Variants in ZNF275 observed in about 807,000 individuals in gnomAD.
ZNF275 encodes zinc finger protein 275.
Under a neutral mutation model 4.3 loss-of-function variants are expected in ZNF275, and 4 were observed. The observed-to-expected ratio is 0.93, with a 90% CI of 0.46 to 2.13. The LOEUF (loss-of-function observed/expected upper bound fraction) is 2.13. Ranked by LOEUF, ZNF275 falls within the 30% of genes most tolerant of loss-of-function variation. The probability of loss-of-function intolerance (pLI) is 0.02; values close to 1 mark genes in which losing one functional copy is unlikely to be tolerated. For synonymous variants in ZNF275, 173 were observed against 166.9 expected, an observed-to-expected ratio of 1.04 and a Z score of -0.28; for missense variants, 352 against 397.1, an observed-to-expected ratio of 0.89 and a Z score of 0.97.
In ZNF275 at chrX:153,351,027, C is replaced by CAGA. The variant is rs2088553188; in HGVS notation, c.*3054_*3056dup. The CAGA allele has an allele frequency of 8.1e-6, 1 of 123,217 alleles. No individual in the cohort carries two copies. Among genetic ancestry groups the CAGA allele is most frequent in the Non-Finnish European group, 1.9e-5 (1 of 53,222 alleles). 10.2% of individuals were successfully genotyped at this position (123,217 alleles called of 1,213,427 possible). The stretch of plus-strand genomic sequence containing the variant: ...GATCCCATTGAATGCAGCATTAACT[C>CAGA]AGAACGTAGCATAAAGTCGTCACTG... On this transcript the variant is annotated 3_prime_UTR_variant, in exon 4 of 4. Transcript: ENST00000650114.
chrX:153,347,917 G>A lies in ZNF275; in HGVS notation c.1232G>A (p.Gly411Asp). Residue 411 changes from glycine (G) to aspartate (D), a missense_variant, in exon 4 of 4, where the codon GGC becomes GAC. Gly to Asp is a moderately conservative substitution (Grantham distance 94). Transcript: ENST00000650114. ...GARRCECSQC[G>D]RVFKRRSALQ... The stretch of plus-strand genomic sequence containing the variant: ...CGGCGCTGCGAATGCAGCCAGTGTG[G>A]CCGCGTGTTCAAGAGGCGCTCGGCA... 1 of 1,170,706 alleles carries A rather than the reference G, an allele frequency of 8.5e-7. No individual in the cohort carries two copies.
At chrX:153,342,537 A>G (rs1220329882) in intron 2 of ZNF275, among the ~76,000 whole-genome samples, 1 of 111,894 alleles carries the variant, frequency 8.9e-6, no homozygotes, top group Non-Finnish European at 1.9e-5. Flanking sequence ...GTGGATCAGT[A>G]TGATCCCTTT....
chrX:153,338,315 T>A, intron 2 of ZNF275, among the ~76,000 whole-genome samples: 1 of 111,087 alleles, frequency 9.0e-6, no homozygotes, highest in Non-Finnish European at 1.9e-5. Context: ...TTATGCAGAG[T>A]TTCGTTTCCT....
At chrX:153,343,666 G>A (rs1569527960) in intron 2 of ZNF275, among the ~76,000 whole-genome samples, 1 of 111,586 alleles carries the variant, frequency 9.0e-6, no homozygotes, top group African/African-American at 3.3e-5. Context: ...TGGTCTAGAA[G>A]CCCCCATTCC....
At position 153,336,606 on chromosome X, in the gene ZNF275, G is replaced by A. The variant is rs144204025; in HGVS notation, c.-46-28G>A. 1,432 of 1,085,403 alleles carry A rather than the reference G, an allele frequency of 1.3e-3. 8 individuals carry two copies. In the African/African-American group the frequency reaches 0.022, roughly 17 times the overall value. 89.4% of individuals were successfully genotyped at this position (1,085,403 alleles called of 1,213,427 possible). Reference sequence around the variant, plus strand: ...GGGAGGTGCACACAGGTCTGCTTCTGTTCACCTGAATTATTGCAATCCAAC... The same window carrying A: ...GGGAGGTGCACACAGGTCTGCTTCTATTCACCTGAATTATTGCAATCCAAC... On this transcript the variant is annotated intron_variant, in intron 1 of 3. Transcript: ENST00000650114.
Position 153,345,590 on chromosome X carries a change from A to T in ZNF275, c.102A>T (p.Pro34=), listed in dbSNP as rs782123691. ...GACAAGTGCTACTGGTGTCAGACCCATCGCCCAACACTGATCCTGCTAAGT... is the reference window on the plus strand; with the variant it reads ...GACAAGTGCTACTGGTGTCAGACCCTTCGCCCAACACTGATCCTGCTAAGT... The part of the protein sequence containing the change: ...AQGQVLLVSD[P]SPNTDPAKYS... Residue 34 remains proline, a synonymous_variant, in exon 3 of 4, where the codon CCA becomes CCT. Transcript: ENST00000650114. 8.3e-7 allele frequency: 1 copy of T among 1,209,016 alleles called. No individual in the cohort carries two copies. Among genetic ancestry groups the T allele is most frequent in the South Asian group, 1.8e-5 (1 of 56,878 alleles).
chrX:153,345,735 GGTCCC>G, intron 3 of ZNF275, 114 bp downstream of exon 3: 1 of 145,393 alleles, frequency 6.9e-6, no homozygotes. Context: ...TAGGGTTGGG[GGTCCC>G]AGCTGAGCTC....
Position 153,349,243 on chromosome X carries a change from A to C in ZNF275, c.*1268A>C, listed in dbSNP as rs2088541425. 8.1e-6 allele frequency: 1 copy of C among 123,638 alleles called. No homozygotes were observed. The highest frequency in any genetic ancestry group is 1.9e-5 in the Non-Finnish European group (1 of 53,277). The allele number at this position is 123,638 out of a possible 1,213,427, so 10.2% of individuals were successfully genotyped here. A position where few individuals can be genotyped will look rare whatever the true frequency, so the allele number is the denominator to read the frequency against. ...ACTGCCATCGTGGCTGCAGAGTGCC[A>C]GGACCACCGGCCTGGTATGGAGGTA... On this transcript the variant is annotated 3_prime_UTR_variant, in exon 4 of 4. Transcript: ENST00000650114.
At chrX:153,341,411 A>T (rs1556961034) in intron 2 of ZNF275, among the ~76,000 whole-genome samples, 1 of 112,543 alleles carries the variant, frequency 8.9e-6, no homozygotes, top group African/African-American at 3.2e-5. Flanking sequence ...TTTACTTCTG[A>T]TGTTATAAAC....
Position 153,347,802 on chromosome X carries a change from G to A in ZNF275, c.1117G>A (p.Gly373Arg), listed in dbSNP as rs781825600. The A allele has an allele frequency of 1.1e-5, 13 of 1,209,174 alleles. No individual in the cohort carries two copies. In the African/African-American group the frequency reaches 1.2e-4, roughly 11 times the overall value. ...CATCAAGCACCGGCGCATCCACAGC[G>A]GACTGAAACCCTATGAGTGCGACAA... ...DLIKHRRIHS[G>R]LKPYECDKCG... Residue 373 changes from glycine (G) to arginine (R), a missense_variant, in exon 4 of 4, where the codon GGA becomes AGA. By Grantham distance (125) the Gly-to-Arg change is moderately radical. Coordinates refer to ENST00000650114, the MANE Select transcript of ZNF275 (RefSeq NM_001367757.1).
chrX:153,335,779 C>T (rs1556960544), intron 1 of ZNF275, among the ~76,000 whole-genome samples: 6 of 110,278 alleles, frequency 5.4e-5, no homozygotes, highest in Non-Finnish European at 1.9e-5. Flanking sequence ...TGCAGCTCTG[C>T]ATCATAATCT....
At position 153,351,698 on chromosome X, in the gene ZNF275, A is replaced by G. The variant is rs782059830; in HGVS notation, c.*3723A>G. On this transcript the variant is annotated 3_prime_UTR_variant, in exon 4 of 4. Coordinates refer to ENST00000650114, the MANE Select transcript of ZNF275 (RefSeq NM_001367757.1). ...TTTCAAAAGAAAGTAATTGATTACC[A>G]TTTTTGCTGCTTATTACGATGAGCT... 2 of 112,106 alleles carry G rather than the reference A, an allele frequency of 1.8e-5. No individual in the cohort carries two copies. Among genetic ancestry groups the G allele is most frequent in the East Asian group, 5.6e-4 (2 of 3,587 alleles). The allele number at this position is 112,106 out of a possible 1,213,427, so 9.2% of individuals were successfully genotyped here. A position where few individuals can be genotyped will look rare whatever the true frequency, so the allele number is the denominator to read the frequency against.
Position 153,350,179 on chromosome X carries a change from G to C in ZNF275, c.*2204G>C, listed in dbSNP as rs904432551. 3 of 124,265 alleles carry C rather than the reference G, an allele frequency of 2.4e-5. No homozygotes were observed. Among genetic ancestry groups the C allele is most frequent in the Non-Finnish European group, 3.7e-5 (2 of 53,412 alleles). The allele number at this position is 124,265 out of a possible 1,213,427, so 10.2% of individuals were successfully genotyped here. ...AGGCTTCTGCTGTGGGCAGCTAGGG[G>C]AAAATTCACCCATGTGTTCTGGCAT... On this transcript the variant is annotated 3_prime_UTR_variant, in exon 4 of 4. Transcript: ENST00000650114.
In ZNF275 at chrX:153,347,846, C is replaced by T. The variant is rs1224134100; in HGVS notation, c.1161C>T (p.Arg387=). The T allele has an allele frequency of 8.3e-7, 1 of 1,205,502 alleles. No individual in the cohort carries two copies. Among genetic ancestry groups the T allele is most frequent in the Non-Finnish European group, 1.1e-6 (1 of 892,532 alleles). The change falls in exon 4 of 4, where the codon CGC becomes CGT. Residue 387 remains arginine, a synonymous_variant. Coordinates refer to ENST00000650114, the MANE Select transcript of ZNF275 (RefSeq NM_001367757.1). The part of the protein sequence containing the change: ...YECDKCGKAF[R]RSSGLSRHRR... ...GCGACAAATGCGGCAAGGCCTTCCG[C>T]CGGAGCTCCGGCCTCAGTCGCCACC...
In ZNF275 at chrX:153,347,739, G is replaced by A. The variant is rs782752664; in HGVS notation, c.1054G>A (p.Gly352Ser). The change falls in exon 4 of 4, where the codon GGC (glycine) becomes AGC (serine). Residue 352 changes from glycine to serine, a missense_variant. Transcript: ENST00000650114. ...IHSGERPYACGECGKAFRGPS... is the reference protein window; with the variant it reads ...IHSGERPYACSECGKAFRGPS... ...CAGTGGCGAGCGGCCCTACGCATGC[G>A]GCGAGTGTGGCAAGGCCTTCCGTGG... 16 of 1,208,441 alleles carry A rather than the reference G, an allele frequency of 1.3e-5. No homozygotes were observed. The highest frequency in any genetic ancestry group is 1.8e-5 in the South Asian group (1 of 56,429).
At chrX:153,345,446 C>T (rs2088506397) in intron 2 of ZNF275, 74 bp from the exon 3 acceptor site, 5 of 844,002 alleles carry the variant, frequency 5.9e-6, no homozygotes, top group South Asian at 2.2e-5. Flanking sequence ...CTTCAAAGGC[C>T]TTGCCTATGT....
chrX:153,334,245 C>T lies in ZNF275; in HGVS notation c.-87C>T, dbSNP rs1372940832. The T allele has an allele frequency of 1.8e-5, 2 of 112,108 alleles. No homozygotes were observed. Among genetic ancestry groups the T allele is most frequent in the East Asian group, 5.7e-4 (2 of 3,523 alleles). 9.2% of individuals were successfully genotyped at this position (112,108 alleles called of 1,213,427 possible). ...AGGCCTGCCTGGGCCGCGCCAGCGC[C>T]GCTCCACCGAGGGCCGCGCGTCGGC... On this transcript the variant is annotated 5_prime_UTR_variant, in exon 1 of 4. Coordinates refer to ENST00000650114, the MANE Select transcript of ZNF275 (RefSeq NM_001367757.1).
At chrX:153,343,704 C>T (rs980183329) in intron 2 of ZNF275, among the ~76,000 whole-genome samples, 2 of 111,231 alleles carry the variant, frequency 1.8e-5, no homozygotes, top group Non-Finnish European at 3.8e-5. Flanking sequence ...CATCTTCATC[C>T]GGTTTTTTGT....
chrX:153,342,784 A>G (rs1385316444), intron 2 of ZNF275, among the ~76,000 whole-genome samples: 1 of 112,197 alleles, frequency 8.9e-6, no homozygotes, highest in Non-Finnish European at 1.9e-5. Flanking sequence ...GTTTCACTCT[A>G]TGCATGCATG....
Sources: gnomAD v4.1 joint callset for allele counts (sites outside exome capture counted in the v4.1 genomes callset) on GRCh38, gnomAD v4.1.1 for gene constraint, MANE v1.5 for transcripts, NCBI Gene and HGNC (gene_info 2026-07-23, HGNC 2026-07-21) for gene names.